UST: variants seen among roughly 807,000 people sequenced by gnomAD.
UST encodes chondroitin sulfate 2-O-sulfotransferase.
Under a neutral mutation model 45.6 loss-of-function variants are expected in UST, and 21 were observed. That is an observed-to-expected ratio of 0.46 (90% CI 0.33 to 0.66). The LOEUF (loss-of-function observed/expected upper bound fraction) is 0.66. Among genes scored for constraint, UST ranks in the 30% least tolerant of loss-of-function variants. UST has a pLI of 0.02. For missense variants in UST, 463 were observed against 512.4 expected (o/e 0.90, Z 0.93); for synonymous variants, 215 against 200.6 (o/e 1.07, Z -0.61).
chr6:148,802,228 T>C (rs903787696), intron 1 of UST, among the ~76,000 whole-genome samples: 1 of 152,214 alleles, frequency 6.6e-6, no homozygotes, highest in African/African-American at 2.4e-5. Flanking sequence ...ACTCTGCTTC[T>C]AGGGAAGCTA....
chr6:148,977,339 G>C lies in UST; in HGVS notation c.681+12776G>C, dbSNP rs1053324278. Among the ~76,000 whole-genome samples, 4 of 151,988 alleles carry C rather than the reference G, an allele frequency of 2.6e-5. No individual in the cohort carries two copies. The East Asian group carries it at 7.7e-4, about 29-fold the overall frequency. On this transcript the variant is annotated intron_variant, in intron 5 of 7. Transcript: ENST00000367463. The stretch of plus-strand genomic sequence containing the variant: ...ATAGTATAATTATATAATATAGAGT[G>C]ACTATTTATATATACATTTTATTAT...
At chr6:149,068,024 C>T (rs766538038) in intron 7 of UST, among the ~76,000 whole-genome samples, 1 of 152,056 alleles carries the variant, frequency 6.6e-6, no homozygotes, top group Non-Finnish European at 1.5e-5. Flanking sequence ...CAGAGATGAT[C>T]GTGCCCAATT....
intron 7 of UST, among the ~76,000 whole-genome samples, chr6:149,062,791 T>C (rs2115042603): frequency 6.6e-6 from 1 of 152,364 alleles, no homozygotes; most frequent in South Asian, 2.1e-4. Flanking sequence ...GCTGGTCTTG[T>C]GACCTCTGGG....
intron 1 of UST, among the ~76,000 whole-genome samples, chr6:148,767,600 T>TA (rs1776345859): frequency 6.6e-6 from 1 of 152,086 alleles, no homozygotes; most frequent in African/African-American, 2.4e-5. Context: ...GTTTTTTTTT[T>TA]ATAGCCAGAG....
chr6:148,856,816 T>C (rs1047923521), intron 1 of UST, among the ~76,000 whole-genome samples: 1 of 152,168 alleles, frequency 6.6e-6, no homozygotes, highest in Non-Finnish European at 1.5e-5. Context: ...GGATCTAAAC[T>C]GTTACTGTGG....
At position 148,913,788 on chromosome 6, in the gene UST, T is replaced by C. The variant is rs552618323; in HGVS notation, c.291+26759T>C. Among the ~76,000 whole-genome samples the C allele has an allele frequency of 1.7e-4, 26 of 152,194 alleles. No homozygotes were observed. In the Middle Eastern group the frequency reaches 0.01, roughly 60 times the overall value. ...TTAAGTCTACTAGAAAATATAAGAG[T>C]TTTATTGACTATTGTCTTTAAATTT... On this transcript the variant is annotated intron_variant, in intron 2 of 7. Coordinates refer to ENST00000367463, the MANE Select transcript of UST (RefSeq NM_005715.3).
intron 3 of UST, among the ~76,000 whole-genome samples, chr6:148,948,977 C>T (rs971019933): frequency 3.3e-5 from 5 of 152,040 alleles, no homozygotes; most frequent in African/African-American, 1.2e-4. Flanking sequence ...AGTTTCTTAA[C>T]CTCTACAGTA....
intron 5 of UST, among the ~76,000 whole-genome samples, chr6:149,000,650 C>G (rs1230882291): frequency 1.3e-5 from 2 of 151,998 alleles, no homozygotes; most frequent in Admixed American, 6.6e-5. Flanking sequence ...AAGGAACAAC[C>G]TGACAAAGTC....
chr6:148,779,330 A>C (rs1776594057), intron 1 of UST, among the ~76,000 whole-genome samples: 1 of 152,248 alleles, frequency 6.6e-6, no homozygotes, highest in South Asian at 2.1e-4. Context: ...CTTTTTAAGA[A>C]TACTTTGAGA....
intron 1 of UST, among the ~76,000 whole-genome samples, chr6:148,879,616 T>TG (rs1328509178): frequency 1.3e-5 from 2 of 152,096 alleles, no homozygotes; most frequent in African/African-American, 4.8e-5. Flanking sequence ...AAACCTTGAG[T>TG]GAGAAGATGG....
intron 1 of UST, among the ~76,000 whole-genome samples, chr6:148,819,724 G>A (rs745529293): frequency 3.3e-5 from 5 of 152,178 alleles, no homozygotes; most frequent in Non-Finnish European, 7.3e-5. Flanking sequence ...AGCACATAAT[G>A]AGTATGACCA....
At chr6:149,066,559 C>T (rs1776732285) in intron 7 of UST, among the ~76,000 whole-genome samples, 8 of 151,906 alleles carry the variant, frequency 5.3e-5, no homozygotes, top group Admixed American at 5.3e-4. Flanking sequence ...CATTAGATCC[C>T]ATAAGAATCT....
intron 4 of UST, among the ~76,000 whole-genome samples, chr6:148,960,545 C>A (rs1162180679): frequency 6.6e-6 from 1 of 152,116 alleles, no homozygotes; most frequent in East Asian, 1.9e-4. Flanking sequence ...TGGTGGTTAC[C>A]AGGGGTGGGG....
chr6:148,752,805 G>C (rs1776014851), intron 1 of UST, among the ~76,000 whole-genome samples: 1 of 152,200 alleles, frequency 6.6e-6, no homozygotes, highest in Non-Finnish European at 1.5e-5. Flanking sequence ...AGCTGTACTG[G>C]TGGGTGTCCA....
intron 7 of UST, among the ~76,000 whole-genome samples, chr6:149,048,902 C>A (rs1190278820): frequency 6.6e-6 from 1 of 152,164 alleles, no homozygotes; most frequent in African/African-American, 2.4e-5. Context: ...GAAATGGCGC[C>A]TCAGGAGACT....
rs1211924333 is a variant in UST, at chr6:148,974,449, C to A, written c.681+9886C>A. Among the ~76,000 whole-genome samples, 3 of 152,208 alleles carry A rather than the reference C, an allele frequency of 2.0e-5. No homozygotes were observed. The East Asian group carries it at 5.8e-4, about 29-fold the overall frequency. ...AACGTTTGTTCCCTTTTCTGATTGA[C>A]CAATGAGTGTTTCAGACAGAGTAGA... On this transcript the variant is annotated intron_variant, in intron 5 of 7. Transcript: ENST00000367463.
At chr6:148,964,351 A>T (rs1361861415) in intron 4 of UST, 59 bp from the exon 5 acceptor site, 1 of 1,596,542 alleles carries the variant, frequency 6.3e-7, no homozygotes, top group East Asian at 2.2e-5. Context: ...ATGTTGTCTA[A>T]GTAGGCCCTG....
intron 1 of UST, among the ~76,000 whole-genome samples, chr6:148,885,133 TTTTTTAGGAG>T (rs1366604483): frequency 1.3e-5 from 2 of 152,150 alleles, no homozygotes; most frequent in Non-Finnish European, 2.9e-5. Flanking sequence ...TAAATCGTTC[TTTTTTAGGAG>T]TTTTTAGGAA....
intron 1 of UST, among the ~76,000 whole-genome samples, chr6:148,883,858 G>A (rs1778866282): frequency 6.6e-6 from 1 of 152,146 alleles, no homozygotes; most frequent in East Asian, 1.9e-4. Context: ...TGGGCCAGGC[G>A]CAGTGGCTCA....
Sources: gnomAD v4.1 joint callset for allele counts (sites outside exome capture counted in the v4.1 genomes callset) on GRCh38, gnomAD v4.1.1 for gene constraint, MANE v1.5 for transcripts, NCBI Gene and HGNC (gene_info 2026-07-23, HGNC 2026-07-21) for gene names.